ANO4: variants seen among roughly 807,000 people sequenced by gnomAD.
ANO4 encodes the protein anoctamin 4.
Under a neutral mutation model 141.9 loss-of-function variants are expected in ANO4, and 69 were observed. The ratio of observed to expected loss-of-function variants is 0.49; its 90% CI spans 0.40 to 0.59. The LOEUF (loss-of-function observed/expected upper bound fraction) is 0.59, where lower values mean the gene tolerates loss of function less well. ANO4 is among the 20% of genes least tolerant of loss of function. The pLI is 0.00. For missense variants in ANO4, 894 were observed against 1,162.2 expected (o/e 0.77, Z 3.36); for synonymous variants, 350 against 394.3 (o/e 0.89, Z 1.33).
At chr12:101,051,517 C>A (rs1042924973) in intron 14 of ANO4, among the ~76,000 whole-genome samples, 1 of 152,192 alleles carries the variant, frequency 6.6e-6, no homozygotes, top group Non-Finnish European at 1.5e-5. Context: ...CCAAGTGTTT[C>A]TTTGTAGATA....
intron 14 of ANO4, among the ~76,000 whole-genome samples, chr12:101,049,110 A>G (rs966388009): frequency 4.6e-5 from 7 of 152,244 alleles, no homozygotes; most frequent in Admixed American, 3.3e-4. Context: ...GGAAAGGAAG[A>G]TTCATGGAAG....
At chr12:100,772,215 A>G (rs1424054223) in intron 3 of ANO4, among the ~76,000 whole-genome samples, 1 of 152,248 alleles carries the variant, frequency 6.6e-6, no homozygotes, top group Non-Finnish European at 1.5e-5. Context: ...ACATGGGACT[A>G]TAGCTCTACA....
At chr12:101,065,552 T>C (rs764093538) in intron 14 of ANO4, among the ~76,000 whole-genome samples, 4 of 152,144 alleles carry the variant, frequency 2.6e-5, no homozygotes, top group Non-Finnish European at 5.9e-5. Flanking sequence ...CTTACCAAGA[T>C]TGAACCATGA....
chr12:100,741,369 A>G (rs2031857255), intron 3 of ANO4, among the ~76,000 whole-genome samples: 1 of 152,198 alleles, frequency 6.6e-6, no homozygotes. Context: ...TTAAAGCAGT[A>G]GATTGCAGAC....
At chr12:100,748,130 T>G (rs1274596580) in intron 3 of ANO4, among the ~76,000 whole-genome samples, 2 of 152,178 alleles carry the variant, frequency 1.3e-5, no homozygotes, top group South Asian at 4.1e-4. Context: ...CTCTGAAATC[T>G]TAGGTGCCCA....
At chr12:101,077,202 A>G (rs929320793) in intron 14 of ANO4, among the ~76,000 whole-genome samples, 7 of 152,240 alleles carry the variant, frequency 4.6e-5, no homozygotes, top group African/African-American at 1.7e-4. Flanking sequence ...CCTGTCAAAC[A>G]GCATTTCACA....
intron 8 of ANO4, among the ~76,000 whole-genome samples, chr12:101,009,032 A>T (rs900671694): frequency 3.3e-5 from 5 of 152,066 alleles, no homozygotes; most frequent in African/African-American, 1.2e-4. Flanking sequence ...GGATGATATT[A>T]TTTTTGCGAT....
At chr12:100,890,062 A>G (rs1297097480) in intron 1 of ANO4, among the ~76,000 whole-genome samples, 1 of 152,058 alleles carries the variant, frequency 6.6e-6, no homozygotes, top group East Asian at 1.9e-4. Context: ...TATTATAGTT[A>G]TGTCAGTATT....
At chr12:100,996,500 A>C (rs1353556379) in intron 8 of ANO4, among the ~76,000 whole-genome samples, 4 of 152,226 alleles carry the variant, frequency 2.6e-5, no homozygotes, top group African/African-American at 9.6e-5. Context: ...GCCTGCCAAC[A>C]TGGTGAAACC....
intron 3 of ANO4, among the ~76,000 whole-genome samples, chr12:100,772,060 C>T: frequency 6.6e-6 from 1 of 152,192 alleles, no homozygotes; most frequent in East Asian, 1.9e-4. Flanking sequence ...CAGAACTGAG[C>T]TGGACTATAT....
At chr12:100,726,510 G>A (rs1417054635) in intron 1 of ANO4, among the ~76,000 whole-genome samples, 1 of 152,198 alleles carries the variant, frequency 6.6e-6, no homozygotes, top group African/African-American at 2.4e-5. Flanking sequence ...TTAAAGTTAA[G>A]CTGTAGATCA....
Position 100,861,906 on chromosome 12 carries a change from C to T in ANO4, c.-140-39740C>T, listed in dbSNP as rs1023369313. ...ACTCACACATTAGCGTAGGCCTACACAGGGTGAGGAACATTAGTATCACTG... is the reference window on the plus strand; with the variant it reads ...ACTCACACATTAGCGTAGGCCTACATAGGGTGAGGAACATTAGTATCACTG... On this transcript the variant is annotated intron_variant, in intron 1 of 27. Transcript: ENST00000392977. Among the ~76,000 whole-genome samples, 38 of 152,130 alleles carry T rather than the reference C, an allele frequency of 2.5e-4. 2 individuals carry two copies. The highest frequency in any genetic ancestry group is 1.5e-5 in the Non-Finnish European group (1 of 68,020).
At chr12:100,812,021 TGCAC>T (rs917973710) in intron 1 of ANO4, among the ~76,000 whole-genome samples, 2 of 112,756 alleles carry the variant, frequency 1.8e-5, no homozygotes, top group South Asian at 2.8e-4. Context: ...CATATACACA[TGCAC>T]ACACATATAT....
chr12:100,991,853 C>A (rs185888325), intron 8 of ANO4, among the ~76,000 whole-genome samples: 136 of 152,216 alleles, frequency 8.9e-4, no homozygotes, highest in African/African-American at 3.1e-3. Flanking sequence ...AAGAATAAAG[C>A]TGATGTGAAG....
At chr12:100,932,697 T>C (rs2042129124) in intron 3 of ANO4, among the ~76,000 whole-genome samples, 1 of 152,178 alleles carries the variant, frequency 6.6e-6, no homozygotes, top group Non-Finnish European at 1.5e-5. Context: ...AAGATCACCA[T>C]GATCTGCCTG....
At position 100,806,523 on chromosome 12, in the gene ANO4, C is replaced by CTTTCT. The variant is rs1593379234; in HGVS notation, c.-141+11496_-141+11497insTTTCT. 1.6e-4 allele frequency among the ~76,000 whole-genome samples: 7 copies of CTTTCT among 44,978 alleles called. No homozygotes were observed. In the East Asian group the frequency reaches 7.6e-3, roughly 49 times the overall value. The allele number at this position is 44,978 out of a possible 152,430, so 29.5% of individuals were successfully genotyped here. A position where few individuals can be genotyped will look rare whatever the true frequency, so the allele number is the denominator to read the frequency against. On this transcript the variant is annotated intron_variant, in intron 1 of 27. Coordinates refer to ENST00000392977, the MANE Select transcript of ANO4 (RefSeq NM_001286615.2). The stretch of plus-strand genomic sequence containing the variant: ...TTTTTAGGAGGTTTTTTTTTTGTTT[C>CTTTCT]GTTTTTTTTTTTTTTTTTTTTTTTT...
At chr12:100,970,698 C>A (rs148644076) in intron 5 of ANO4, among the ~76,000 whole-genome samples, 2 of 128,372 alleles carry the variant, frequency 1.6e-5, no homozygotes, top group African/African-American at 6.0e-5. Flanking sequence ...TCCTTCCTTC[C>A]TTCCTTCCTT....
intron 1 of ANO4, among the ~76,000 whole-genome samples, chr12:100,843,136 G>T (rs2138045): frequency 1.3e-5 from 2 of 151,964 alleles, no homozygotes; most frequent in African/African-American, 4.8e-5. Context: ...CAACACCACC[G>T]CTTACTCTCT....
At chr12:100,994,986 C>T (rs1021310273) in intron 8 of ANO4, among the ~76,000 whole-genome samples, 28 of 152,150 alleles carry the variant, frequency 1.8e-4, no homozygotes, top group African/African-American at 6.8e-4. Flanking sequence ...TCCTGTAATG[C>T]ACCCAACAGC....
Sources: gnomAD v4.1 joint callset for allele counts (sites outside exome capture counted in the v4.1 genomes callset) on GRCh38, gnomAD v4.1.1 for gene constraint, MANE v1.5 for transcripts, NCBI Gene and HGNC (gene_info 2026-07-23, HGNC 2026-07-21) for gene names.